CLCN5: variants seen among roughly 807,000 people sequenced by gnomAD.
CLCN5 encodes Cl-/H+ antiporter 5, also known as H(+)/Cl(-) exchange transporter 5.
A neutral mutation model predicts 54.0 loss-of-function variants in CLCN5; 17 were observed. The observed-to-expected ratio is 0.31, with a 90% CI of 0.22 to 0.47. CLCN5 has a LOEUF of 0.47. Among genes scored for constraint, CLCN5 ranks in the 20% least tolerant of loss-of-function variants. CLCN5 has a pLI of 1.00. For missense variants in CLCN5, 448 were observed against 646.7 expected, an observed-to-expected ratio of 0.69 and a Z score of 3.33; for synonymous variants, 222 against 233.0, an observed-to-expected ratio of 0.95 and a Z score of 0.43.
In CLCN5 at chrX:50,069,935, T is replaced by A; in HGVS notation, c.220T>A (p.Leu74Met). ...TTCTTCAAATAGGATCATGGACTTC[T>A]TGGAGGAGCCAATCCCTGGTGTAGG... Reference protein sequence around the residue: ...IGSSNRIMDFLEEPIPGVGTY... With the variant: ...IGSSNRIMDFMEEPIPGVGTY... The change falls in exon 5 of 15, where the codon TTG becomes ATG. Residue 74 changes from leucine to methionine, a missense_variant. By Grantham distance (15) the Leu-to-Met change is conservative. This residue lies in a region of CLCN5 where 69 missense variants were observed against 60.9 expected (regional missense o/e 1.13). Coordinates refer to ENST00000376091, the MANE Select transcript of CLCN5 (RefSeq NM_001127898.4). 8.3e-7 allele frequency: 1 copy of A among 1,209,684 alleles called. No homozygotes were observed. Among genetic ancestry groups the A allele is most frequent in the Non-Finnish European group, 1.1e-6 (1 of 893,749 alleles).
chrX:50,058,928 A>G (rs1557189473), intron 4 of CLCN5, among the ~76,000 whole-genome samples: 1 of 111,738 alleles, frequency 8.9e-6, no homozygotes, highest in Non-Finnish European at 1.9e-5. Context: ...CCTTGGCAGC[A>G]TATTTACATG....
intron 3 of CLCN5, among the ~76,000 whole-genome samples, chrX:49,975,525 T>G: frequency 9.0e-6 from 1 of 111,691 alleles, no homozygotes; most frequent in Middle Eastern, 4.6e-3. Context: ...TCTCATCCTC[T>G]TATCATCTTT....
At chrX:49,999,860 C>T (rs7884421) in intron 3 of CLCN5, among the ~76,000 whole-genome samples, 3,550 of 111,838 alleles carry the variant, frequency 0.032, 136 homozygotes, top group African/African-American at 0.11. Context: ...CCTTTTTTTA[C>T]TTGTTTTAAA....
intron 3 of CLCN5, among the ~76,000 whole-genome samples, chrX:49,939,791 G>T (rs1926230294): frequency 9.0e-6 from 1 of 110,992 alleles, no homozygotes; most frequent in Non-Finnish European, 1.9e-5. Context: ...AAAAAAAGTT[G>T]CCCGGTAGTC....
chrX:49,934,825 C>T (rs781908376), intron 3 of CLCN5, among the ~76,000 whole-genome samples: 1 of 111,819 alleles, frequency 8.9e-6, no homozygotes, highest in Non-Finnish European at 1.9e-5. Context: ...ACATCGTTGA[C>T]ATCTTCTGGC....
chrX:49,946,954 G>A (rs1262499989), intron 3 of CLCN5, among the ~76,000 whole-genome samples: 3 of 109,907 alleles, frequency 2.7e-5, no homozygotes, highest in South Asian at 4.0e-4. Context: ...TCAGCCTCCC[G>A]AGTAGCTGGG....
At chrX:49,990,015 G>A (rs1929175932) in intron 3 of CLCN5, among the ~76,000 whole-genome samples, 1 of 111,678 alleles carries the variant, frequency 9.0e-6, no homozygotes, top group Non-Finnish European at 1.9e-5. Flanking sequence ...TAATTAATAA[G>A]CAGTGGCATT....
At chrX:49,931,052 C>T (rs1925619363) in intron 3 of CLCN5, among the ~76,000 whole-genome samples, 1 of 111,285 alleles carries the variant, frequency 9.0e-6, no homozygotes, top group African/African-American at 3.3e-5. Flanking sequence ...CAAGCCTAGG[C>T]CTCACTCAGC....
intron 3 of CLCN5, among the ~76,000 whole-genome samples, chrX:49,978,242 C>T (rs782132121): frequency 3.6e-5 from 4 of 111,789 alleles, no homozygotes; most frequent in Non-Finnish European, 7.5e-5. Flanking sequence ...CCTCTGCTCT[C>T]GCTGTCTTGA....
chrX:50,065,837 A>G (rs1352671613), intron 4 of CLCN5, among the ~76,000 whole-genome samples: 27 of 101,833 alleles, frequency 2.7e-4, no homozygotes, highest in Non-Finnish European at 4.4e-4. Context: ...CAGCCATAAA[A>G]AATGATGAGT....
chrX:50,074,663 C>T (rs1557191868), intron 6 of CLCN5, among the ~76,000 whole-genome samples: 2 of 112,221 alleles, frequency 1.8e-5, no homozygotes, highest in South Asian at 3.7e-4. Context: ...CATGGCTTCC[C>T]GCCCGTTGGA....
intron 4 of CLCN5, among the ~76,000 whole-genome samples, chrX:50,048,880 AAT>A (rs782745443): frequency 9.0e-6 from 1 of 111,579 alleles, no homozygotes; most frequent in Non-Finnish European, 1.9e-5. Flanking sequence ...GCAGTAAGGA[AAT>A]ATGTGTATTC....
intron 3 of CLCN5, among the ~76,000 whole-genome samples, chrX:49,954,720 G>A (rs1310925167): frequency 3.6e-5 from 4 of 111,519 alleles, no homozygotes; most frequent in Admixed American, 2.9e-4. Flanking sequence ...GTAGTGGAGA[G>A]AAGGAAGGAG....
chrX:50,048,412 T>C (rs1932468057), intron 4 of CLCN5, among the ~76,000 whole-genome samples: 1 of 112,940 alleles, frequency 8.9e-6, no homozygotes, highest in South Asian at 3.6e-4. Context: ...AAGTTAGGTT[T>C]CACCTCCATG....
At chrX:49,944,430 T>C (rs1420589819) in intron 3 of CLCN5, among the ~76,000 whole-genome samples, 3 of 111,460 alleles carry the variant, frequency 2.7e-5, no homozygotes, top group Non-Finnish European at 5.6e-5. Context: ...GGCCAGAACT[T>C]CCAACACTAT....
intron 3 of CLCN5, among the ~76,000 whole-genome samples, chrX:50,027,845 G>T (rs1338100988): frequency 5.4e-5 from 6 of 110,166 alleles, no homozygotes; most frequent in African/African-American, 2.0e-4. Flanking sequence ...TGTTTATCTG[G>T]ATAGGAGTTA....
intron 3 of CLCN5, among the ~76,000 whole-genome samples, chrX:50,031,057 A>G (rs1380752686): frequency 8.9e-6 from 1 of 111,948 alleles, no homozygotes; most frequent in Non-Finnish European, 1.9e-5. Context: ...GAAAGCCTGT[A>G]TAACAGGGTA....
At chrX:49,926,154 T>C (rs1925329274) in intron 3 of CLCN5, among the ~76,000 whole-genome samples, 1 of 112,482 alleles carries the variant, frequency 8.9e-6, no homozygotes, top group South Asian at 3.6e-4. Flanking sequence ...TGGTCTAATG[T>C]ATCTTTTAAA....
chrX:50,042,390 A>G lies in CLCN5; in HGVS notation c.91A>G (p.Met31Val), dbSNP rs916340219. The G allele has an allele frequency of 7.7e-6, 9 of 1,168,150 alleles. No homozygotes were observed. In the East Asian group the frequency reaches 2.5e-4, roughly 32 times the overall value. Residue 31 changes from methionine (M) to valine (V), a missense_variant, in exon 4 of 15, where the codon ATG becomes GTG. Around this residue, in one of 5 missense-constraint regions of CLCN5, gnomAD observed 69 missense variants for 60.9 expected, o/e 1.13. Coordinates refer to ENST00000376091, the MANE Select transcript of CLCN5 (RefSeq NM_001127898.4). ...GAACAGCTCCAGTGATGAAGACCTG[A>G]TGGACATTCCAGCAACCGCTATGGA... is the stretch of plus-strand genomic sequence containing the variant. ...FQNSSSDEDL[M>V]DIPATAMDFS...
Sources: gnomAD v4.1 joint callset for allele counts (sites outside exome capture counted in the v4.1 genomes callset) on GRCh38, gnomAD v4.1.1 for gene constraint, gnomAD v4.1.1 regional missense constraint, MANE v1.5 for transcripts, NCBI Gene and HGNC (gene_info 2026-07-23, HGNC 2026-07-21) for gene names.